The following ESCO2 variants were observed in gnomAD, a reference collection of about 807,000 sequenced individuals.
ESCO2 encodes establishment of sister chromatid cohesion N-acetyltransferase 2.
ESCO2 carries 51 observed loss-of-function variants against 61.7 expected under a neutral mutation model. The observed-to-expected ratio is 0.83, with a 90% CI of 0.66 to 1.04. The LOEUF (loss-of-function observed/expected upper bound fraction) is 1.04, where lower values mean the gene tolerates loss of function less well. Ranked by LOEUF, ESCO2 falls within the 50% of genes least tolerant of loss-of-function variation. The pLI is 0.00. For synonymous variants in ESCO2, 230 were observed against 238.2 expected, an observed-to-expected ratio of 0.97 and a Z score of 0.32; for missense variants, 692 against 686.2, an observed-to-expected ratio of 1.01 and a Z score of -0.09.
intron 7 of ESCO2, among the ~76,000 whole-genome samples, chr8:27,790,306 T>A: frequency 6.6e-6 from 1 of 152,242 alleles, no homozygotes; most frequent in East Asian, 1.9e-4. Context: ...ATTCTCCCTG[T>A]CCCTTTTTTT....
downstream of ESCO2, chr8:27,808,193 G>A (rs868574545): frequency 1.6e-6 from 2 of 1,212,722 alleles, no homozygotes; most frequent in Non-Finnish European, 2.1e-6. Flanking sequence ...CTAATCAACA[G>A]ATTGTAGAAG....
chr8:27,785,686 C>G (rs1335266288), intron 5 of ESCO2, among the ~76,000 whole-genome samples: 1 of 135,934 alleles, frequency 7.4e-6, no homozygotes, highest in Non-Finnish European at 1.5e-5. Flanking sequence ...GGCAACAGAG[C>G]AAGATTCCAT....
intron 2 of ESCO2, 101 bp downstream of exon 2, chr8:27,775,668 C>CT: frequency 1.0e-6 from 1 of 1,004,406 alleles, no homozygotes; most frequent in Non-Finnish European, 1.6e-6. Flanking sequence ...CACTAGCCTA[C>CT]TCCTTGTGGC....
chr8:27,794,637 C>G (rs962773810), intron 9 of ESCO2, among the ~76,000 whole-genome samples: 1 of 152,038 alleles, frequency 6.6e-6, no homozygotes, highest in African/African-American at 2.4e-5. Flanking sequence ...GGGGTCATAG[C>G]CAAAAAATTA....
chr8:27,816,617 T>A (rs1285340221), downstream of ESCO2, among the ~76,000 whole-genome samples: 1 of 151,728 alleles, frequency 6.6e-6, no homozygotes. Context: ...ACCTCATGAT[T>A]TGCCCGCCTC....
intron 6 of ESCO2, among the ~76,000 whole-genome samples, chr8:27,788,538 C>A (rs573510250): frequency 3.9e-4 from 59 of 151,666 alleles, no homozygotes; most frequent in African/African-American, 1.3e-3. Flanking sequence ...TTTTCCCCCC[C>A]CAAAGAGATG....
chr8:27,788,472 A>G (rs1202882073), intron 6 of ESCO2, among the ~76,000 whole-genome samples: 1 of 152,134 alleles, frequency 6.6e-6, no homozygotes, highest in Admixed American at 6.5e-5. Flanking sequence ...TACACTGTCC[A>G]TTCAAATAAT....
At chr8:27,819,602 G>A in the ESCO2 span, among the ~76,000 whole-genome samples, 2 of 151,958 alleles carry the variant, frequency 1.3e-5, no homozygotes, top group African/African-American at 4.8e-5. Flanking sequence ...ATAATTCGAA[G>A]TTTTTTTGTG....
At chr8:27,813,829 T>C (rs1805753265), downstream of ESCO2, among the ~76,000 whole-genome samples, 1 of 152,230 alleles carries the variant, frequency 6.6e-6, no homozygotes, top group South Asian at 2.1e-4. Context: ...AGTGTTCTCA[T>C]GTAGTATTAG....
downstream of ESCO2, among the ~76,000 whole-genome samples, chr8:27,816,374 T>C (rs1787226600): frequency 9.1e-6 from 1 of 109,572 alleles, no homozygotes; most frequent in South Asian, 3.0e-4. Context: ...TATTTATTTA[T>C]TTATTTTAAT....
Position 27,803,572 on chromosome 8 carries a change from A to C in ESCO2, c.*134A>C. 6.9e-7 allele frequency: 1 copy of C among 1,455,314 alleles called. No individual in the cohort carries two copies. The highest frequency in any genetic ancestry group is 1.5e-5 in the South Asian group (1 of 68,540). 90.2% of individuals were successfully genotyped at this position (1,455,314 alleles called of 1,614,324 possible). A position where few individuals can be genotyped will look rare whatever the true frequency, so the allele number is the denominator to read the frequency against. ...CATACACACACACACACACACGCAC[A>C]CACACATATCACAGTTTTGTTCCTT... On this transcript the variant is annotated 3_prime_UTR_variant, in exon 11 of 11. Coordinates refer to ENST00000305188, the MANE Select transcript of ESCO2 (RefSeq NM_001017420.3).
intron 3 of ESCO2, 72 bp downstream of exon 3, chr8:27,777,241 A>C: frequency 7.1e-7 from 1 of 1,416,752 alleles, no homozygotes; most frequent in Non-Finnish European, 9.6e-7. Context: ...AGTTGAATAA[A>C]ATTTTATTTT....
the ESCO2 span, among the ~76,000 whole-genome samples, chr8:27,818,506 T>C: frequency 6.6e-6 from 1 of 152,228 alleles, no homozygotes; most frequent in Non-Finnish European, 1.5e-5. Flanking sequence ...TGATAGCAGA[T>C]TATCTCATTG....
At chr8:27,795,130 TATTA>T (rs1430778706) in intron 9 of ESCO2, among the ~76,000 whole-genome samples, 2 of 152,212 alleles carry the variant, frequency 1.3e-5, no homozygotes, top group African/African-American at 2.4e-5. Flanking sequence ...ATTTTAACGA[TATTA>T]ATTCTTTCAA....
chr8:27,802,633 ATATATATATATATATATATAT>A (rs1805467079), intron 10 of ESCO2, among the ~76,000 whole-genome samples: 3 of 53,856 alleles, frequency 5.6e-5, no homozygotes, highest in African/African-American at 2.6e-4. Context: ...AAAAAAAAAT[ATATATATATATATATATATAT>A]ATTATATATA....
intron 10 of ESCO2, among the ~76,000 whole-genome samples, 178 bp from the exon 11 acceptor site, chr8:27,803,128 C>T (rs563131608): frequency 2.0e-5 from 3 of 152,030 alleles, no homozygotes; most frequent in Admixed American, 6.6e-5. Context: ...TTTTCTGGAC[C>T]TTAGTTTTCC....
At chr8:27,805,395 G>C (rs1805545382), downstream of ESCO2, 1 of 147,492 alleles carries the variant, frequency 6.8e-6, no homozygotes, top group South Asian at 2.1e-4. Context: ...CAGTTATTTT[G>C]CATCTTGCCT....
At chr8:27,784,264 T>A (rs1294039166) in intron 5 of ESCO2, among the ~76,000 whole-genome samples, 1 of 152,184 alleles carries the variant, frequency 6.6e-6, no homozygotes, top group Non-Finnish European at 1.5e-5. Flanking sequence ...ATGGAAAAGA[T>A]CTTTATATAC....
chr8:27,784,643 A>G (rs886985893), intron 5 of ESCO2, among the ~76,000 whole-genome samples: 6 of 152,200 alleles, frequency 3.9e-5, no homozygotes, highest in African/African-American at 9.7e-5. Flanking sequence ...ATCATAAAGT[A>G]TAGCTGAAGC....
Sources: gnomAD v4.1 joint callset for allele counts (sites outside exome capture counted in the v4.1 genomes callset) on GRCh38, gnomAD v4.1.1 for gene constraint, MANE v1.5 for transcripts, NCBI Gene and HGNC (gene_info 2026-07-23, HGNC 2026-07-21) for gene names.